Variants in PHF3 observed in about 807,000 individuals in gnomAD.
PHF3 encodes PHD finger protein 3.
In PHF3, 41 loss-of-function variants were observed where a neutral mutation model predicts 178.4. That is an observed-to-expected ratio of 0.23 (90% CI 0.18 to 0.30). The LOEUF is 0.30. PHF3 is among the 10% of genes least tolerant of loss of function. PHF3 has a pLI of 1.00. For synonymous variants in PHF3, 842 were observed against 800.5 expected (o/e 1.05, Z -0.88); for missense variants, 2,346 against 2,398.1 (o/e 0.98, Z 0.45).
rs1561995792 is a variant in PHF3 at position 63,724,493 on chromosome 6, C to A, written c.*10785C>A. On this transcript the variant is annotated 3_prime_UTR_variant, in exon 16 of 16. Transcript: ENST00000262043. Reference sequence around the variant, plus strand: ...TGCAATGACTAGGCCTTTTTATACACGTTGGGAGGATTATAACTATATCAG... The same window carrying A: ...TGCAATGACTAGGCCTTTTTATACAAGTTGGGAGGATTATAACTATATCAG... Among the ~76,000 whole-genome samples, 1 of 151,978 alleles carries A rather than the reference C, an allele frequency of 6.6e-6. No homozygotes were observed. The highest frequency in any genetic ancestry group is 2.4e-5 in the African/African-American group (1 of 41,382).
chr6:63,685,133 A>G lies in PHF3; in HGVS notation c.1411A>G (p.Arg471Gly). The change falls in exon 4 of 16, where the codon AGA (arginine) becomes GGA (glycine). Residue 471 changes from arginine (R) to glycine (G), a missense_variant. This residue lies in a region of PHF3 where 843 missense variants were observed against 795.2 expected (regional missense o/e 1.06). Transcript: ENST00000262043. ...SHETANLQDD[R>G]NSQSSSVSYL... ...TGAAACAGCAAACCTTCAGGATGAC[A>G]GAAACAGCCAGTCAAGTAGCGTTTC... The G allele has an allele frequency of 6.2e-7, 1 of 1,614,110 alleles. No individual in the cohort carries two copies. The highest frequency in any genetic ancestry group is 1.1e-5 in the South Asian group (1 of 91,082).
chr6:63,706,559 C>T (rs577417264), intron 12 of PHF3, among the ~76,000 whole-genome samples, 170 bp from the exon 13 acceptor site: 1 of 152,276 alleles, frequency 6.6e-6, no homozygotes, highest in Admixed American at 6.5e-5. Flanking sequence ...TTTTGTAAAA[C>T]ATTACTATGT....
At position 63,712,748 on chromosome 6, in the gene PHF3, A is replaced by G. The variant is rs964077611; in HGVS notation, c.5160A>G (p.Gln1720=). 2.2e-5 allele frequency: 36 copies of G among 1,613,968 alleles called. No individual in the cohort carries two copies. The Middle Eastern group carries it at 6.6e-4, about 30-fold the overall frequency. ...VQQSDNLKVA[Q]NSPSVENIQT... is the part of the protein sequence containing the mutation. ...AGAGTGACAATTTAAAAGTTGCACA[A>G]AACTCACCATCAGTAGAAAACATAC... The change falls in exon 16 of 16, where the codon CAA becomes CAG. Residue 1720 remains glutamine (Q), a synonymous_variant. Coordinates refer to ENST00000262043, the MANE Select transcript of PHF3 (RefSeq NM_001370348.2).
intron 13 of PHF3, 132 bp downstream of exon 13, chr6:63,707,008 T>A (rs1488957615): frequency 1.3e-6 from 1 of 752,912 alleles, no homozygotes; most frequent in East Asian, 2.7e-5. Context: ...GTCCAAGTAA[T>A]ATAATTATGA....
At chr6:63,674,441 TAAG>T (rs1766078578) in intron 2 of PHF3, among the ~76,000 whole-genome samples, 1 of 151,428 alleles carries the variant, frequency 6.6e-6, no homozygotes. Flanking sequence ...TTTTTCAAAT[TAAG>T]AACATGATAA....
At chr6:63,681,055 C>G (rs1367918584) in intron 3 of PHF3, among the ~76,000 whole-genome samples, 1 of 152,062 alleles carries the variant, frequency 6.6e-6, no homozygotes, top group Non-Finnish European at 1.5e-5. Flanking sequence ...TGTATTTAGT[C>G]TATTCTCATA....
At chr6:63,680,588 G>A (rs1374588317) in intron 3 of PHF3, among the ~76,000 whole-genome samples, 1 of 149,776 alleles carries the variant, frequency 6.7e-6, no homozygotes, top group African/African-American at 2.5e-5. Context: ...GTTAGTATGA[G>A]TAATATGCTA....
chr6:63,712,161 G>A lies in PHF3; in HGVS notation c.4573G>A (p.Val1525Ile), dbSNP rs747716204. Reference protein sequence around the residue: ...VTDGENKEIKVKVDNISESTD... With the variant: ...VTDGENKEIKIKVDNISESTD... Reference sequence around the variant, plus strand: ...TGATGGTGAAAACAAGGAGATAAAAGTTAAAGTAGATAATATTTCAGAATC... The same window carrying A: ...TGATGGTGAAAACAAGGAGATAAAAATTAAAGTAGATAATATTTCAGAATC... Residue 1525 changes from valine to isoleucine, a missense_variant, in exon 16 of 16, where the codon GTT (valine) becomes ATT (isoleucine). Around this residue, in one of 8 missense-constraint regions of PHF3, gnomAD observed 839 missense variants for 806.9 expected, o/e 1.04. Transcript: ENST00000262043. 2 of 1,613,584 alleles carry A rather than the reference G, an allele frequency of 1.2e-6. No homozygotes were observed. Among genetic ancestry groups the A allele is most frequent in the Non-Finnish European group, 1.7e-6 (2 of 1,179,764 alleles).
At chr6:63,661,851 G>C (rs566393737) in intron 2 of PHF3, among the ~76,000 whole-genome samples, 27 of 152,240 alleles carry the variant, frequency 1.8e-4, no homozygotes, top group Non-Finnish European at 1.9e-4. Flanking sequence ...GCTCTGATAG[G>C]AGTGTTTCTT....
Position 63,712,077 on chromosome 6 carries a change from C to T in PHF3, c.4489C>T (p.Pro1497Ser). Residue 1497 changes from proline to serine, a missense_variant, in exon 16 of 16, where the codon CCA becomes TCA. Around this residue, in one of 8 missense-constraint regions of PHF3, gnomAD observed 839 missense variants for 806.9 expected, o/e 1.04. Coordinates refer to ENST00000262043, the MANE Select transcript of PHF3 (RefSeq NM_001370348.2). ...VMEQNTVKEI[P>S]FLNEQTNSKI... ...GGAACAAAACACTGTTAAAGAAATT[C>T]CATTTTTAAATGAGCAGACCAACTC... 2 of 1,613,590 alleles carry T rather than the reference C, an allele frequency of 1.2e-6. No individual in the cohort carries two copies. Among genetic ancestry groups the T allele is most frequent in the Non-Finnish European group, 1.7e-6 (2 of 1,179,920 alleles).
intron 2 of PHF3, among the ~76,000 whole-genome samples, chr6:63,649,693 GTTTTA>G (rs1470173539): frequency 6.6e-6 from 1 of 152,162 alleles, no homozygotes. Context: ...GATGCCAGTT[GTTTTA>G]TTTTGAGAGA....
At chr6:63,691,643 A>C in intron 4 of PHF3, 94 bp from the exon 5 acceptor site, 1 of 1,073,506 alleles carries the variant, frequency 9.3e-7, no homozygotes, top group Non-Finnish European at 1.4e-6. Flanking sequence ...AGTTTCAGAA[A>C]ATCAGATATT....
chr6:63,720,417 G>A lies in PHF3; in HGVS notation c.*6709G>A. ...AATATATACAGATAAATTAGATGTA[G>A]GAAAAACAATCAGAACCTTCAGTGA... On this transcript the variant is annotated 3_prime_UTR_variant, in exon 16 of 16. Transcript: ENST00000262043. 1.9e-6 allele frequency: 1 copy of A among 531,530 alleles called. No homozygotes were observed. Among genetic ancestry groups the A allele is most frequent in the Non-Finnish European group, 3.2e-6 (1 of 310,638 alleles). 32.9% of individuals were successfully genotyped at this position (531,530 alleles called of 1,614,324 possible). A position where few individuals can be genotyped will look rare whatever the true frequency, so the allele number is the denominator to read the frequency against.
intron 6 of PHF3, among the ~76,000 whole-genome samples, chr6:63,695,057 G>A (rs1219002954): frequency 6.6e-6 from 1 of 152,180 alleles, no homozygotes. Flanking sequence ...TTATTTTACA[G>A]CTTGAGAAGA....
chr6:63,685,458 CAT>C lies in PHF3; in HGVS notation c.1737_1738del (p.Leu580ThrfsTer18). 6.2e-7 allele frequency: 1 copy of C among 1,613,994 alleles called. No individual in the cohort carries two copies. The highest frequency in any genetic ancestry group is 8.5e-7 in the Non-Finnish European group (1 of 1,179,964). Reference sequence around the variant, plus strand: ...CAAGCTCATTCTGTACTGAAAAAAACATTACAGGATCAAACTTTAGTACAAAT... The same window carrying C: ...CAAGCTCATTCTGTACTGAAAAAAACTACAGGATCAAACTTTAGTACAAAT... On this transcript the variant is annotated frameshift_variant, in exon 4 of 16. Transcript: ENST00000262043. LOFTEE classifies it high-confidence loss of function.
At chr6:63,652,021 A>T (rs1212131352) in intron 2 of PHF3, among the ~76,000 whole-genome samples, 4 of 152,128 alleles carry the variant, frequency 2.6e-5, no homozygotes, top group Non-Finnish European at 5.9e-5. Context: ...GGGAGTGCAG[A>T]GATACTGATT....
intron 2 of PHF3, among the ~76,000 whole-genome samples, chr6:63,673,266 A>G (rs887979255): frequency 1.3e-5 from 2 of 152,208 alleles, no homozygotes; most frequent in Non-Finnish European, 2.9e-5. Flanking sequence ...GATTGAAAAG[A>G]TACAGATATC....
At chr6:63,701,518 G>A (rs935419944) in intron 9 of PHF3, among the ~76,000 whole-genome samples, 1 of 152,114 alleles carries the variant, frequency 6.6e-6, no homozygotes, top group Admixed American at 6.5e-5. Context: ...CAGAATGTTA[G>A]CCCCTTATTC....
At chr6:63,707,016 T>C (rs907305328) in intron 13 of PHF3, 140 bp downstream of exon 13, 1 of 721,874 alleles carries the variant, frequency 1.4e-6, no homozygotes, top group African/African-American at 1.8e-5. Context: ...AATATAATTA[T>C]GAATTAACAA....
Sources: allele counts gnomAD v4.1 joint callset (sites outside exome capture counted in the v4.1 genomes callset), GRCh38; gene constraint gnomAD v4.1.1; regional missense constraint gnomAD v4.1.1; transcripts MANE v1.5; gene names NCBI Gene and HGNC (gene_info 2026-07-23, HGNC 2026-07-21).